UGT1A6: variants seen among roughly 807,000 people sequenced by gnomAD.
The protein encoded by UGT1A6 is UDP-glucuronosyltransferase 1A6.
In UGT1A6, 32 loss-of-function variants were observed where a neutral mutation model predicts 44.4. The ratio of observed to expected loss-of-function variants is 0.72; its 90% confidence interval spans 0.54 to 0.97. The LOEUF (loss-of-function observed/expected upper bound fraction) is 0.97, where lower values mean the gene tolerates loss of function less well. UGT1A6 is among the 50% of genes least tolerant of loss of function. The pLI, the probability that UGT1A6 is intolerant of heterozygous loss-of-function variation, is 0.00. For missense variants in UGT1A6, 685 were observed against 661.9 expected, an observed-to-expected ratio of 1.03 and a Z score of -0.38; for synonymous variants, 238 against 248.5, an observed-to-expected ratio of 0.96 and a Z score of 0.40.
intron 1 of UGT1A6, among the ~76,000 whole-genome samples, chr2:233,720,807 G>C (rs879376102): frequency 6.0e-5 from 9 of 150,156 alleles, no homozygotes; most frequent in Non-Finnish European, 5.9e-5. Context: ...CCGGGTTTAA[G>C]AAATTCTCCC....
rs761652085 is a variant in UGT1A6, at chr2:233,739,540, G to A, written c.862-27494G>A. On this transcript the variant is annotated intron_variant, in intron 1 of 4. Transcript: ENST00000305139. ...TGAAGTCAAGGGAGATTATTTTGGA[G>A]CTTTAAGATTTAATGACTGCCCTGC... Among the ~76,000 whole-genome samples, 14 of 152,360 alleles carry A rather than the reference G, an allele frequency of 9.2e-5. No homozygotes were observed. The South Asian group carries it at 2.1e-3, about 23-fold the overall frequency.
chr2:233,719,762 C>T, intron 1 of UGT1A6: 1 of 1,612,248 alleles, frequency 6.2e-7, no homozygotes, highest in Non-Finnish European at 8.5e-7. Context: ...CTTACAAGTG[C>T]TTCCATATCT....
In UGT1A6 at chr2:233,743,718, G is replaced by A. The variant is rs751411472; in HGVS notation, c.862-23316G>A. The stretch of plus-strand genomic sequence containing the variant: ...CCCTCCGCCCCCGCCTCGCCATAGC[G>A]GTCATAGATATCGCGTTTCTTGGCG... On this transcript the variant is annotated intron_variant, in intron 1 of 4. Transcript: ENST00000305139. The A allele has an allele frequency of 1.2e-5, 16 of 1,367,210 alleles. No homozygotes were observed. In the East Asian group the frequency reaches 1.8e-4, roughly 16 times the overall value. 84.7% of individuals were successfully genotyped at this position (1,367,210 alleles called of 1,614,324 possible). A position where few individuals can be genotyped will look rare whatever the true frequency, so the allele number is the denominator to read the frequency against.
chr2:233,712,954 G>A (rs367675101), intron 1 of UGT1A6: 7 of 1,612,846 alleles, frequency 4.3e-6, no homozygotes, highest in South Asian at 3.3e-5. Context: ...GAGGCACAAC[G>A]TGGGGTGGAC....
At chr2:233,761,908 A>G (rs535316155) in intron 1 of UGT1A6, among the ~76,000 whole-genome samples, 1 of 152,320 alleles carries the variant, frequency 6.6e-6, no homozygotes, top group South Asian at 2.1e-4. Flanking sequence ...TTGGCTGAGG[A>G]TCTACTGGCA....
At chr2:233,714,460 GATTGT>G (rs1241465467) in intron 1 of UGT1A6, among the ~76,000 whole-genome samples, 2 of 152,154 alleles carry the variant, frequency 1.3e-5, no homozygotes, top group East Asian at 3.9e-4. Context: ...GGGAGTGTTG[GATTGT>G]AATAGGAGAA....
Position 233,772,646 on chromosome 2 carries a change from A to G in UGT1A6, c.*87A>G. The G allele has an allele frequency of 6.5e-7, 1 of 1,549,870 alleles. No individual in the cohort carries two copies. ...ACAGAATCAGTGTTAAATTCATTTTATTCTTATTAAGGAAATACTTTGCAT... is the reference window on the plus strand; with the variant it reads ...ACAGAATCAGTGTTAAATTCATTTTGTTCTTATTAAGGAAATACTTTGCAT... On this transcript the variant is annotated 3_prime_UTR_variant, in exon 5 of 5. Transcript: ENST00000305139.
chr2:233,713,283 C>G (rs764319623), intron 1 of UGT1A6: 6 of 1,614,104 alleles, frequency 3.7e-6, no homozygotes, highest in Non-Finnish European at 5.1e-6. Context: ...GGGTCACACT[C>G]AATCGTTCTT....
chr2:233,747,408 A>C, intron 1 of UGT1A6: 1 of 1,607,228 alleles, frequency 6.2e-7, no homozygotes. Flanking sequence ...CCCAGAGGTG[A>C]ATATGCACAT....
At chr2:233,725,024 G>C (rs1241696904) in intron 1 of UGT1A6, among the ~76,000 whole-genome samples, 1 of 148,280 alleles carries the variant, frequency 6.7e-6, no homozygotes, top group Non-Finnish European at 1.5e-5. Flanking sequence ...AGCAAAACCC[G>C]GTCTCCACCA....
chr2:233,749,178 ACTT>A (rs1418442763), intron 1 of UGT1A6, among the ~76,000 whole-genome samples: 1 of 151,644 alleles, frequency 6.6e-6, no homozygotes, highest in Non-Finnish European at 1.5e-5. Flanking sequence ...TTATTTCTGT[ACTT>A]CTTTTTATTA....
rs867393133 is a variant in UGT1A6 at position 233,772,500 on chromosome 2, C to T, written c.1540C>T (p.Arg514Trp). ...CTTTAAATGTTGTGCTTATGGCTACCGGAAATGCTTGGGGAAAAAAGGGCG... is the reference window on the plus strand; with the variant it reads ...CTTTAAATGTTGTGCTTATGGCTACTGGAAATGCTTGGGGAAAAAAGGGCG... ...ITFKCCAYGY[R>W]KCLGKKGRVK... Residue 514 changes from arginine (R) to tryptophan (W), a missense_variant, in exon 5 of 5, where the codon CGG becomes TGG. Arg to Trp is a moderately radical substitution (Grantham distance 101). Coordinates refer to ENST00000305139, the MANE Select transcript of UGT1A6 (RefSeq NM_001072.4). 25 of 1,614,078 alleles carry T rather than the reference C, an allele frequency of 1.5e-5. No homozygotes were observed. Among genetic ancestry groups the T allele is most frequent in the African/African-American group, 8.0e-5 (6 of 74,994 alleles).
At chr2:233,758,413 A>G (rs578024460) in intron 1 of UGT1A6, among the ~76,000 whole-genome samples, 1 of 152,136 alleles carries the variant, frequency 6.6e-6, no homozygotes, top group African/African-American at 2.4e-5. Context: ...ACTGTCTATA[A>G]TCTGCAAATG....
chr2:233,717,072 T>A (rs3806595), intron 1 of UGT1A6, among the ~76,000 whole-genome samples: 15,420 of 152,108 alleles, frequency 0.1, 899 homozygotes, highest in East Asian at 0.2. Flanking sequence ...GCCAGACACG[T>A]AACCAGAAAT....
At position 233,769,854 on chromosome 2, in the gene UGT1A6, T is replaced by G; in HGVS notation, c.1301+1415T>G. ...ACCTGGGCAACAGAGTGAGACCCTG[T>G]CTCAAAAAAAAAAAAAAAAATGAAA... On this transcript the variant is annotated intron_variant, in intron 4 of 4. Coordinates refer to ENST00000305139, the MANE Select transcript of UGT1A6 (RefSeq NM_001072.4). This position sits in a 1 kb window ranked among gnomAD's most constrained non-coding sequence, Gnocchi z 4.4. The G allele has an allele frequency of 2.3e-6, 1 of 426,362 alleles. No homozygotes were observed. Among genetic ancestry groups the G allele is most frequent in the Non-Finnish European group, 3.7e-6 (1 of 266,728 alleles). The allele number at this position is 426,362 out of a possible 1,614,324, so 26.4% of individuals were successfully genotyped here.
chr2:233,753,949 C>T (rs1032633055), intron 1 of UGT1A6, among the ~76,000 whole-genome samples: 3 of 152,164 alleles, frequency 2.0e-5, no homozygotes, highest in African/African-American at 7.2e-5. Context: ...GTATGACCTC[C>T]AAAATATTAA....
intron 1 of UGT1A6, among the ~76,000 whole-genome samples, chr2:233,731,936 T>G (rs924975357): frequency 2.0e-5 from 3 of 152,218 alleles, no homozygotes; most frequent in African/African-American, 7.2e-5. Context: ...CCACATCCTC[T>G]CCAACATCTG....
intron 1 of UGT1A6, chr2:233,719,244 A>C (rs375836466): frequency 1.5e-5 from 24 of 1,614,126 alleles, no homozygotes; most frequent in African/African-American, 6.7e-5. Context: ...CAGGCACCTG[A>C]ATGCTACTTC....
At chr2:233,760,234 A>ATG in intron 1 of UGT1A6, 1 of 1,136,914 alleles carries the variant, frequency 8.8e-7, no homozygotes, top group South Asian at 1.5e-5. Context: ...GGTTTTTGCC[A>ATG]TATATATATA....
Sources: allele counts gnomAD v4.1 joint callset (sites outside exome capture counted in the v4.1 genomes callset), GRCh38; gene constraint gnomAD v4.1.1; non-coding constraint Gnocchi (gnomAD v3.1); transcripts MANE v1.5; gene names NCBI Gene and HGNC (gene_info 2026-07-23, HGNC 2026-07-21).